The following ACACB variants were observed in gnomAD, a reference collection of about 807,000 sequenced individuals.
The protein encoded by ACACB is acetyl-CoA carboxylase beta, also known as acetyl-CoA carboxylase 2.
ACACB carries 209 observed loss-of-function variants against 278.8 expected under a neutral mutation model. That is an observed-to-expected ratio of 0.75 (90% CI 0.67 to 0.84). ACACB has a LOEUF of 0.84. Ranked by LOEUF, ACACB falls within the 40% of genes least tolerant of loss-of-function variation. The probability of loss-of-function intolerance (pLI) is 0.00; values close to 1 mark genes in which losing one functional copy is unlikely to be tolerated. For synonymous variants in ACACB, 1,174 were observed against 1,285.6 expected (o/e 0.91, Z 1.86); for missense variants, 2,850 against 3,269.0 (o/e 0.87, Z 3.13).
At chr12:109,118,501 C>T (rs2042461884) in intron 1 of ACACB, among the ~76,000 whole-genome samples, 1 of 151,554 alleles carries the variant, frequency 6.6e-6, no homozygotes, top group South Asian at 2.1e-4. Context: ...GCAACCCCTG[C>T]CTCCCAGGTT....
intron 47 of ACACB, among the ~76,000 whole-genome samples, chr12:109,259,719 A>G (rs1030225619): frequency 6.6e-6 from 1 of 152,190 alleles, no homozygotes; most frequent in Non-Finnish European, 1.5e-5. Context: ...CCATTTGGCA[A>G]GGTGAGGAGG....
chr12:109,112,239 GTTCAATATATATGTATGTATA>G (rs891042942), upstream of ACACB, among the ~76,000 whole-genome samples: 1 of 147,996 alleles, frequency 6.8e-6, no homozygotes, highest in African/African-American at 2.5e-5. Context: ...ATGTATATAA[GTTCAATATATATGTATGTATA>G]TTCAATATAT....
intron 1 of ACACB, chr12:109,125,697 C>T (rs1158283241): frequency 6.6e-6 from 1 of 152,214 alleles, no homozygotes; most frequent in African/African-American, 2.4e-5. Flanking sequence ...AACTCCAAAA[C>T]TGTATGAGGA....
chr12:109,256,091 C>G, intron 44 of ACACB, 49 bp from the exon 45 acceptor site: 1 of 1,556,152 alleles, frequency 6.4e-7, no homozygotes, highest in Non-Finnish European at 8.8e-7. Flanking sequence ...TCCTGGGGGC[C>G]CCCAGCCACC....
At position 109,179,905 on chromosome 12, in the gene ACACB, GT is replaced by G. The variant is rs1262296090; in HGVS notation, c.1648-9del. 1 of 1,596,238 alleles carries G rather than the reference GT, an allele frequency of 6.3e-7. No homozygotes were observed. Among genetic ancestry groups the G allele is most frequent in the African/African-American group, 1.3e-5 (1 of 74,624 alleles). On this transcript the variant is annotated splice_polypyrimidine_tract_variant and intron_variant, in intron 10 of 52. Coordinates refer to ENST00000338432, the MANE Select transcript of ACACB (RefSeq NM_001093.4). ...TCTGGAACCCCCTTGGCCTCTTTCT[GT>G]TTCTTCACAGTGTGCCATCCGCCTG...
At chr12:109,207,005 A>T (rs964005717) in intron 20 of ACACB, 149 bp downstream of exon 20, 1 of 1,029,762 alleles carries the variant, frequency 9.7e-7, no homozygotes, top group African/African-American at 1.6e-5. Flanking sequence ...TTTTCAGACA[A>T]GGTCTCACTC....
intron 1 of ACACB, among the ~76,000 whole-genome samples, chr12:109,123,417 C>T (rs2042599572): frequency 1.3e-5 from 2 of 151,774 alleles, no homozygotes; most frequent in South Asian, 4.2e-4. Flanking sequence ...TTAGGCCGAG[C>T]GTGGTGGCTC....
rs369586615 is a variant in ACACB at position 109,191,833 on chromosome 12, G to A, written c.2296-14G>A. 320 of 1,614,064 alleles carry A rather than the reference G, an allele frequency of 2.0e-4. 2 individuals are homozygous for A. Among genetic ancestry groups the A allele is most frequent in the Admixed American group, 3.3e-5 (2 of 60,000 alleles). Reference sequence around the variant, plus strand: ...CTCGGCTTCCTGAGGATACTGAAGTGCATTTTCTCCTAGGCGGAGAAACCG... The same window carrying A: ...CTCGGCTTCCTGAGGATACTGAAGTACATTTTCTCCTAGGCGGAGAAACCG... On this transcript the variant is annotated splice_polypyrimidine_tract_variant and intron_variant, in intron 14 of 52. Transcript: ENST00000338432.
intron 48 of ACACB, 50 bp downstream of exon 48, chr12:109,260,707 C>G (rs1476075607): frequency 1.3e-6 from 2 of 1,489,622 alleles, no homozygotes. Flanking sequence ...TTCTCCCAGC[C>G]TTGAGAGCCC....
At chr12:109,170,186 T>A (rs1204896053) in intron 4 of ACACB, among the ~76,000 whole-genome samples, 1 of 152,188 alleles carries the variant, frequency 6.6e-6, no homozygotes, top group Non-Finnish European at 1.5e-5. Context: ...TGCCTCAGCC[T>A]CCCAAGTAGC....
At chr12:109,192,713 G>A (rs146892011) in intron 15 of ACACB, among the ~76,000 whole-genome samples, 1 of 151,978 alleles carries the variant, frequency 6.6e-6, no homozygotes, top group African/African-American at 2.4e-5. Context: ...CCAGGCTAGA[G>A]TGCAGTGGTA....
chr12:109,191,820 A>G, intron 14 of ACACB, 27 bp from the exon 15 acceptor site: 1 of 1,614,168 alleles, frequency 6.2e-7, no homozygotes, highest in Non-Finnish European at 8.5e-7. Context: ...CGGCTTCCTG[A>G]GGATACTGAA....
chr12:109,133,490 G>T (rs1194972564), intron 1 of ACACB, among the ~76,000 whole-genome samples: 2 of 152,074 alleles, frequency 1.3e-5, no homozygotes, highest in Non-Finnish European at 2.9e-5. Context: ...CTTGGCCTCT[G>T]AAAGTGCTGG....
At chr12:109,207,801 C>T (rs1294265993) in intron 20 of ACACB, among the ~76,000 whole-genome samples, 1 of 152,186 alleles carries the variant, frequency 6.6e-6, no homozygotes, top group Non-Finnish European at 1.5e-5. Context: ...GCCTCAGCCT[C>T]CCGAGTAGCT....
rs1446207979 is a variant in ACACB, at chr12:109,140,256, A to ATCCT, written c.653+209_653+212dup. 3.6e-5 allele frequency among the ~76,000 whole-genome samples: 3 copies of ATCCT among 83,206 alleles called. No individual in the cohort carries two copies. In the Admixed American group the frequency reaches 3.8e-4, roughly 11 times the overall value. 54.6% of individuals were successfully genotyped at this position (83,206 alleles called of 152,430 possible). A position where few individuals can be genotyped will look rare whatever the true frequency, so the allele number is the denominator to read the frequency against. Reference sequence around the variant, plus strand: ...CTTCCTTCCTTCCTTCCTTCCTTCCATCCTTCCTTCCTTCTTTCCTTCCTT... The same window carrying ATCCT: ...CTTCCTTCCTTCCTTCCTTCCTTCCATCCTTCCTTCCTTCCTTCTTTCCTTCCTT... On this transcript the variant is annotated intron_variant, in intron 2 of 52. Transcript: ENST00000338432.
At chr12:109,125,151 A>C (rs573616959) in intron 1 of ACACB, 2 of 152,286 alleles carry the variant, frequency 1.3e-5, no homozygotes, top group South Asian at 4.1e-4. Context: ...TTTCAGAGTA[A>C]TGAGTAGCCC....
At chr12:109,116,822 G>A (rs948030243) in intron 1 of ACACB, 118 bp downstream of exon 1, 3 of 152,196 alleles carry the variant, frequency 2.0e-5, no homozygotes, top group African/African-American at 7.2e-5. Flanking sequence ...GGGTCCCCGG[G>A]GAAAAACGAC....
intron 1 of ACACB, among the ~76,000 whole-genome samples, chr12:109,121,967 T>G (rs1041652508): frequency 2.0e-5 from 3 of 152,136 alleles, no homozygotes; most frequent in Non-Finnish European, 4.4e-5. Flanking sequence ...CAGGGTGGGT[T>G]TGAGGTGGGG....
intron 10 of ACACB, among the ~76,000 whole-genome samples, chr12:109,179,561 A>C (rs1385648184): frequency 1.3e-5 from 2 of 152,130 alleles, no homozygotes; most frequent in Non-Finnish European, 2.9e-5. Flanking sequence ...ATGATAGTTC[A>C]CAGCAGCCTG....
Sources: allele counts gnomAD v4.1 joint callset (sites outside exome capture counted in the v4.1 genomes callset), GRCh38; gene constraint gnomAD v4.1.1; transcripts MANE v1.5; gene names NCBI Gene and HGNC (gene_info 2026-07-23, HGNC 2026-07-21).